MAGI2: variants seen among roughly 807,000 people sequenced by gnomAD.
The protein encoded by MAGI2 is membrane associated guanylate kinase, WW and PDZ domain containing 2.
Under a neutral mutation model 133.3 loss-of-function variants are expected in MAGI2, and 35 were observed. The observed-to-expected ratio is 0.26, with a 90% CI of 0.20 to 0.35. The LOEUF (loss-of-function observed/expected upper bound fraction) is 0.35. Ranked by LOEUF, MAGI2 falls within the 10% of genes least tolerant of loss-of-function variation. MAGI2 has a pLI of 1.00. For synonymous variants in MAGI2, 729 were observed against 710.6 expected (o/e 1.03, Z -0.41); for missense variants, 1,636 against 1,863.4 (o/e 0.88, Z 2.25).
intron 1 of MAGI2, among the ~76,000 whole-genome samples, chr7:79,397,353 T>C (rs1221061758): frequency 6.6e-6 from 1 of 151,916 alleles, no homozygotes; most frequent in Non-Finnish European, 1.5e-5. Flanking sequence ...AATTATCATT[T>C]TAATAGGTGC....
intron 10 of MAGI2, 71 bp from the exon 11 acceptor site, chr7:78,201,264 A>C: frequency 1.4e-6 from 1 of 690,826 alleles, no homozygotes. Flanking sequence ...GCACGATATT[A>C]AGATAATTGT....
At chr7:78,497,199 A>T (rs1260930251) in intron 5 of MAGI2, among the ~76,000 whole-genome samples, 3 of 152,196 alleles carry the variant, frequency 2.0e-5, no homozygotes, top group African/African-American at 7.2e-5. Context: ...CTGGTTTTAC[A>T]CAGTATTATA....
intron 18 of MAGI2, among the ~76,000 whole-genome samples, chr7:78,131,627 A>G (rs776838327): frequency 6.6e-6 from 1 of 152,190 alleles, no homozygotes; most frequent in African/African-American, 2.4e-5. Flanking sequence ...TTCCCACGGA[A>G]AGCGAGAAAG....
intron 21 of MAGI2, 34 bp from the exon 22 acceptor site, chr7:78,020,010 G>A (rs761015089): frequency 6.4e-7 from 1 of 1,556,678 alleles, no homozygotes; most frequent in South Asian, 1.2e-5. Context: ...TAGCAGTGGC[G>A]CACGCAGGAC....
chr7:78,127,369 C>A lies in MAGI2; in HGVS notation c.3251G>T (p.Arg1084Leu). The stretch of plus-strand genomic sequence containing the variant: ...CCTGTAGTCTGTGAATGGAGGCTGT[C>A]GGATGTCTGGTTTCACATCTTGCCT... The part of the protein sequence containing the change: ...KARQDVKPDI[R>L]QPPFTDYRQP... Residue 1084 changes from arginine (R) to leucine (L), a missense_variant, in exon 19 of 22, where the codon CGA (arginine) becomes CTA (leucine). Arg to Leu is a moderately radical substitution (Grantham distance 102). This residue lies in a region of MAGI2 where 920 missense variants were observed against 1,093.5 expected (regional missense o/e 0.84). Transcript: ENST00000354212. 3 of 1,608,042 alleles carry A rather than the reference C, an allele frequency of 1.9e-6. No homozygotes were observed. The highest frequency in any genetic ancestry group is 2.5e-6 in the Non-Finnish European group (3 of 1,179,942).
intron 2 of MAGI2, among the ~76,000 whole-genome samples, chr7:78,963,282 A>C (rs1167826475): frequency 6.6e-6 from 1 of 152,102 alleles, no homozygotes; most frequent in African/African-American, 2.4e-5. Context: ...ACAGACCTTG[A>C]TCTAATTTCC....
chr7:79,379,298 T>G (rs1455796831), intron 1 of MAGI2, among the ~76,000 whole-genome samples: 1 of 151,924 alleles, frequency 6.6e-6, no homozygotes, highest in Admixed American at 6.6e-5. Context: ...AATTCATCAT[T>G]TTTTATGGCT....
chr7:78,031,178 A>G (rs561339433), intron 21 of MAGI2, among the ~76,000 whole-genome samples: 9 of 152,310 alleles, frequency 5.9e-5, no homozygotes, highest in Non-Finnish European at 1.0e-4. Flanking sequence ...AGGGAGAGAA[A>G]ACTGATTAGT....
At chr7:78,947,160 AC>A (rs1801483920) in intron 2 of MAGI2, among the ~76,000 whole-genome samples, 1 of 152,064 alleles carries the variant, frequency 6.6e-6, no homozygotes, top group Non-Finnish European at 1.5e-5. Context: ...ACAAAACAAA[AC>A]AAAAAAAACA....
At chr7:78,058,988 GGTTTTAT>G (rs1332759936) in intron 21 of MAGI2, among the ~76,000 whole-genome samples, 1 of 152,104 alleles carries the variant, frequency 6.6e-6, no homozygotes, top group African/African-American at 2.4e-5. Context: ...TCATTCAGCA[GGTTTTAT>G]TGATTCTTCT....
At chr7:78,675,009 C>T (rs1410020162) in intron 2 of MAGI2, among the ~76,000 whole-genome samples, 2 of 152,090 alleles carry the variant, frequency 1.3e-5, no homozygotes, top group African/African-American at 4.8e-5. Flanking sequence ...TTAGATTAAA[C>T]TGAAACACTG....
chr7:78,812,231 A>G (rs1344285350), intron 2 of MAGI2, among the ~76,000 whole-genome samples: 1 of 152,232 alleles, frequency 6.6e-6, no homozygotes, highest in Non-Finnish European at 1.5e-5. Context: ...TAAAAAAATT[A>G]TGTTTTTAAG....
At chr7:79,134,758 A>C (rs1321726483) in intron 1 of MAGI2, among the ~76,000 whole-genome samples, 1 of 152,224 alleles carries the variant, frequency 6.6e-6, no homozygotes, top group Non-Finnish European at 1.5e-5. Context: ...AGAATACCTG[A>C]AGTTGAGTAT....
At chr7:78,753,414 T>A (rs950147593) in intron 2 of MAGI2, among the ~76,000 whole-genome samples, 6 of 151,872 alleles carry the variant, frequency 4.0e-5, no homozygotes, top group African/African-American at 1.5e-4. Flanking sequence ...CCATCCAACT[T>A]TAAGTCTTAA....
chr7:79,029,531 G>C (rs1188611589), intron 1 of MAGI2, among the ~76,000 whole-genome samples: 1 of 151,980 alleles, frequency 6.6e-6, no homozygotes, highest in Non-Finnish European at 1.5e-5. Flanking sequence ...TTCAAACCAG[G>C]CAATTCTGTT....
Position 78,019,395 on chromosome 7 carries a change from C to T in MAGI2, c.4288G>A (p.Ala1430Thr). 8.2e-7 allele frequency: 1 copy of T among 1,215,166 alleles called. No homozygotes were observed. Among genetic ancestry groups the T allele is most frequent in the Non-Finnish European group, 1.0e-6 (1 of 978,370 alleles). 75.3% of individuals were successfully genotyped at this position (1,215,166 alleles called of 1,614,324 possible). Residue 1430 changes from alanine to threonine, a missense_variant, in exon 22 of 22, where the codon GCG becomes ACG. Coordinates refer to ENST00000354212, the MANE Select transcript of MAGI2 (RefSeq NM_012301.4). ...CCCGGCACCTTCCAGGGCCCCGGCG[C>T]GACGGCGGCCTTGCGCGCCGGGGCG... ...GGAPARKAAV[A>T]PGPWKVPGSD...
chr7:79,292,643 T>G (rs1159559505), intron 1 of MAGI2, among the ~76,000 whole-genome samples: 2 of 149,608 alleles, frequency 1.3e-5, no homozygotes, highest in African/African-American at 4.9e-5. Flanking sequence ...CAAAAAAAAA[T>G]AAAAGAAAAA....
intron 2 of MAGI2, among the ~76,000 whole-genome samples, chr7:78,948,787 T>A (rs945702131): frequency 1.3e-5 from 2 of 152,072 alleles, no homozygotes; most frequent in Non-Finnish European, 2.9e-5. Flanking sequence ...TTTGAAATTT[T>A]AAAAAATGTT....
chr7:78,306,581 T>C (rs1009826390), intron 9 of MAGI2, among the ~76,000 whole-genome samples: 1 of 152,260 alleles, frequency 6.6e-6, no homozygotes, highest in East Asian at 1.9e-4. Flanking sequence ...ATTAGTAAAA[T>C]GCTATGATGC....
Sources: gnomAD v4.1 joint callset for allele counts (sites outside exome capture counted in the v4.1 genomes callset) on GRCh38, gnomAD v4.1.1 for gene constraint, gnomAD v4.1.1 regional missense constraint, MANE v1.5 for transcripts, NCBI Gene and HGNC (gene_info 2026-07-23, HGNC 2026-07-21) for gene names.